Variants in CTNNA2 observed in about 807,000 individuals in gnomAD.
CTNNA2 encodes catenin alpha 2.
Under a neutral mutation model 101.0 loss-of-function variants are expected in CTNNA2, and 42 were observed. The observed-to-expected ratio is 0.42, with a 90% confidence interval of 0.32 to 0.54. The LOEUF (loss-of-function observed/expected upper bound fraction) is 0.54, where lower values mean the gene tolerates loss of function less well. Among genes scored for constraint, CTNNA2 ranks in the 20% least tolerant of loss-of-function variants. CTNNA2 has a pLI of 0.14. For missense variants in CTNNA2, 871 were observed against 1,223.1 expected, an observed-to-expected ratio of 0.71 and a Z score of 4.29; for synonymous variants, 450 against 456.4, an observed-to-expected ratio of 0.99 and a Z score of 0.18.
intron 9 of CTNNA2, among the ~76,000 whole-genome samples, chr2:80,463,845 C>T (rs147033286): frequency 5.3e-5 from 8 of 152,206 alleles, no homozygotes; most frequent in East Asian, 1.9e-4. Context: ...CATTGCTGTA[C>T]GCAGAGGAGC....
At chr2:79,689,264 G>T (rs1684133013) in intron 2 of CTNNA2, among the ~76,000 whole-genome samples, 1 of 151,940 alleles carries the variant, frequency 6.6e-6, no homozygotes, top group Admixed American at 6.6e-5. Flanking sequence ...CGACAGAGTT[G>T]TCACAGATCC....
At chr2:79,453,140 T>C (rs1299752157) in intron 4 of CTNNA2, among the ~76,000 whole-genome samples, 1 of 152,154 alleles carries the variant, frequency 6.6e-6, no homozygotes, top group Non-Finnish European at 1.5e-5. Flanking sequence ...ATATCAGCTA[T>C]GTTTCAGGAA....
At chr2:79,897,667 G>A (rs1197062614) in intron 6 of CTNNA2, among the ~76,000 whole-genome samples, 2 of 152,182 alleles carry the variant, frequency 1.3e-5, no homozygotes, top group Non-Finnish European at 2.9e-5. Context: ...TTGGAGCCAG[G>A]TTTCTAATCC....
intron 2 of CTNNA2, chr2:79,687,559 T>A (rs1477657171): frequency 1.4e-6 from 1 of 705,890 alleles, no homozygotes; most frequent in Non-Finnish European, 2.6e-6. Context: ...TTGTTTGCCT[T>A]GCAGTGCATT....
intron 8 of CTNNA2, among the ~76,000 whole-genome samples, chr2:80,402,159 A>T (rs1270542139): frequency 6.6e-6 from 1 of 152,196 alleles, no homozygotes; most frequent in Non-Finnish European, 1.5e-5. Flanking sequence ...TTTATTATAA[A>T]GAATATTCAG....
intron 18 of CTNNA2, among the ~76,000 whole-genome samples, chr2:80,645,602 T>C (rs1035495711): frequency 1.3e-5 from 2 of 152,064 alleles, no homozygotes; most frequent in Non-Finnish European, 2.9e-5. Context: ...TTGGGCCTGA[T>C]AAATGCGATT....
At chr2:79,720,914 A>G (rs1405187156) in intron 2 of CTNNA2, among the ~76,000 whole-genome samples, 1 of 152,092 alleles carries the variant, frequency 6.6e-6, no homozygotes, top group Non-Finnish European at 1.5e-5. Flanking sequence ...TTTTAACACC[A>G]TACAAAAGCT....
chr2:80,332,619 A>G (rs1671434109), intron 7 of CTNNA2, among the ~76,000 whole-genome samples: 1 of 152,244 alleles, frequency 6.6e-6, no homozygotes, highest in South Asian at 2.1e-4. Flanking sequence ...AGGCCCCAGA[A>G]GAAGGTTGAC....
chr2:79,937,267 A>G (rs541027649), intron 7 of CTNNA2, among the ~76,000 whole-genome samples: 127 of 152,338 alleles, frequency 8.3e-4, no homozygotes, highest in African/African-American at 2.6e-3. Flanking sequence ...CCTGGCTGGA[A>G]GAACTAACAG....
At chr2:80,545,109 A>G (rs768174287) in intron 10 of CTNNA2, 35 bp downstream of exon 10, 6 of 1,602,220 alleles carry the variant, frequency 3.7e-6, no homozygotes, top group Admixed American at 1.7e-5. Flanking sequence ...AAAGCCTGTC[A>G]GTGACCTTCT....
intron 13 of CTNNA2, among the ~76,000 whole-genome samples, chr2:80,576,006 C>T (rs1326631418): frequency 6.6e-6 from 1 of 152,106 alleles, no homozygotes; most frequent in African/African-American, 2.4e-5. Flanking sequence ...TCTTGGTTTT[C>T]TTTCTGAATG....
chr2:80,046,961 C>T (rs1191293243), intron 7 of CTNNA2, among the ~76,000 whole-genome samples: 1 of 152,110 alleles, frequency 6.6e-6, no homozygotes, highest in African/African-American at 2.4e-5. Context: ...TTATCCTATG[C>T]ATGTAGGATG....
chr2:80,400,703 T>G (rs1678471291), intron 8 of CTNNA2, among the ~76,000 whole-genome samples: 1 of 152,162 alleles, frequency 6.6e-6, no homozygotes, highest in Non-Finnish European at 1.5e-5. Context: ...CTTTTGTTAT[T>G]CCTTAAATCT....
intron 4 of CTNNA2, among the ~76,000 whole-genome samples, chr2:79,383,598 A>G (rs549521023): frequency 1.3e-5 from 2 of 152,172 alleles, no homozygotes; most frequent in East Asian, 1.9e-4. Flanking sequence ...CATAGTGCGT[A>G]TGCAGGCAGA....
intron 9 of CTNNA2, among the ~76,000 whole-genome samples, chr2:80,505,972 A>G (rs1251455866): frequency 6.6e-6 from 1 of 152,170 alleles, no homozygotes; most frequent in Non-Finnish European, 1.5e-5. Flanking sequence ...GGCAATTTAT[A>G]GTTCTGTTTA....
At chr2:79,491,187 T>C (rs1430063597) in intron 4 of CTNNA2, among the ~76,000 whole-genome samples, 1 of 152,178 alleles carries the variant, frequency 6.6e-6, no homozygotes, top group Non-Finnish European at 1.5e-5. Context: ...GTTTTACACT[T>C]TTATTCCTCT....
At chr2:79,219,935 G>A (rs1438836244) in intron 2 of CTNNA2, among the ~76,000 whole-genome samples, 1 of 152,096 alleles carries the variant, frequency 6.6e-6, no homozygotes, top group African/African-American at 2.4e-5. Flanking sequence ...ATTCGAAAGC[G>A]CTCTTTGCTT....
At chr2:79,360,894 C>T (rs556577671) in intron 3 of CTNNA2, among the ~76,000 whole-genome samples, 6 of 152,176 alleles carry the variant, frequency 3.9e-5, no homozygotes, top group Non-Finnish European at 7.4e-5. Context: ...AAATAGCAGT[C>T]ATGCTTTGAA....
At chr2:80,204,856 A>C (rs2149024751) in intron 7 of CTNNA2, among the ~76,000 whole-genome samples, 1 of 152,088 alleles carries the variant, frequency 6.6e-6, no homozygotes, top group East Asian at 1.9e-4. Flanking sequence ...ATGAACTTAC[A>C]CTTCCACATG....
Sources: allele counts gnomAD v4.1 joint callset (sites outside exome capture counted in the v4.1 genomes callset), GRCh38; gene constraint gnomAD v4.1.1; transcripts MANE v1.5; gene names NCBI Gene and HGNC (gene_info 2026-07-23, HGNC 2026-07-21).